Variants in FBP2 observed in about 807,000 individuals in gnomAD.
FBP2 encodes the protein fructose-1,6-bisphosphatase isozyme 2.
FBP2 carries 27 observed loss-of-function variants against 31.6 expected under a neutral mutation model. The observed-to-expected ratio is 0.85, with a 90% CI of 0.63 to 1.18. FBP2 has a LOEUF of 1.18. Among genes scored for constraint, FBP2 ranks in the 50% most tolerant of loss-of-function variants. The probability of loss-of-function intolerance (pLI) is 0.00; values close to 1 mark genes in which losing one functional copy is unlikely to be tolerated. For missense variants in FBP2, 421 were observed against 436.1 expected (o/e 0.97, Z 0.31); for synonymous variants, 168 against 179.8 (o/e 0.93, Z 0.53).
Position 94,567,278 on chromosome 9 carries a change from ATT to A in FBP2, c.695_696del (p.Lys232IlefsTer3). ...AATTEYVQKK[K>X]FPEDGSAPYG... ...TGGCTTTCTTCACTCACCTCAGGGA[ATT>A]TCTTTTTCTGCACATATTCAGTGGT... On this transcript the variant is annotated frameshift_variant, in exon 5 of 7. Coordinates refer to ENST00000375337, the MANE Select transcript of FBP2 (RefSeq NM_003837.4). LOFTEE classifies it high-confidence loss of function. The A allele has an allele frequency of 3.7e-6, 6 of 1,614,138 alleles. No homozygotes were observed. Among genetic ancestry groups the A allele is most frequent in the Non-Finnish European group, 5.1e-6 (6 of 1,180,016 alleles).
intron 4 of FBP2, chr9:94,570,545 A>T (rs543149473): frequency 6.6e-6 from 1 of 152,356 alleles, no homozygotes; most frequent in Non-Finnish European, 1.5e-5. Flanking sequence ...CTTAGCTGTT[A>T]TTCTACAACA....
intron 3 of FBP2, among the ~76,000 whole-genome samples, chr9:94,578,340 T>C (rs1294538799): frequency 6.6e-6 from 1 of 152,226 alleles, no homozygotes; most frequent in African/African-American, 2.4e-5. Flanking sequence ...ACTTTTAAAA[T>C]GGTTAACAGG....
intron 3 of FBP2, among the ~76,000 whole-genome samples, chr9:94,580,908 T>C (rs1297107725): frequency 1.3e-5 from 2 of 152,192 alleles, no homozygotes; most frequent in African/African-American, 2.4e-5. Context: ...AAACTCAAGC[T>C]AACCAAAGCC....
intron 5 of FBP2, among the ~76,000 whole-genome samples, chr9:94,564,559 A>C (rs1827158068): frequency 6.6e-6 from 1 of 152,198 alleles, no homozygotes; most frequent in Non-Finnish European, 1.5e-5. Context: ...CTAACACGGA[A>C]ATAGGAAACC....
chr9:94,564,909 A>G (rs1433419582), intron 5 of FBP2, among the ~76,000 whole-genome samples: 1 of 152,230 alleles, frequency 6.6e-6, no homozygotes, highest in Non-Finnish European at 1.5e-5. Context: ...AATATATGAC[A>G]TATTTTCAAA....
intron 4 of FBP2, chr9:94,570,121 C>T (rs1827251484): frequency 6.6e-6 from 1 of 152,220 alleles, no homozygotes; most frequent in Admixed American, 6.5e-5. Context: ...TGGTGCCCAC[C>T]TATGTCCAGA....
At chr9:94,563,540 T>C in intron 5 of FBP2, 79 bp from the exon 6 acceptor site, 3 of 1,524,920 alleles carry the variant, frequency 2.0e-6, no homozygotes, top group Non-Finnish European at 2.7e-6. Context: ...ACAAGTCCAG[T>C]TGGTGTGACC....
chr9:94,569,798 GAAC>G (rs1345845216), intron 4 of FBP2: 1 of 152,180 alleles, frequency 6.6e-6, no homozygotes, highest in Non-Finnish European at 1.5e-5. Context: ...CTCTGTGCCT[GAAC>G]AATATGTGTG....
chr9:94,590,519 G>A (rs1827483812), intron 1 of FBP2, among the ~76,000 whole-genome samples: 1 of 152,300 alleles, frequency 6.6e-6, no homozygotes, highest in African/African-American at 2.4e-5. Context: ...TGAAGCCGCG[G>A]ACCCTCGCGG....
chr9:94,573,312 G>T (rs1827287400), intron 3 of FBP2, among the ~76,000 whole-genome samples: 1 of 152,088 alleles, frequency 6.6e-6, no homozygotes, highest in Admixed American at 6.5e-5. Context: ...AGGGTGGAGT[G>T]CAGTGGCTTG....
intron 3 of FBP2, among the ~76,000 whole-genome samples, 185 bp downstream of exon 3, chr9:94,584,392 G>A (rs1388652512): frequency 6.6e-6 from 1 of 152,212 alleles, no homozygotes; most frequent in African/African-American, 2.4e-5. Flanking sequence ...GGCAGAGAAA[G>A]AATCGCCAAT....
Position 94,559,077 on chromosome 9 carries a change from C to T in FBP2, c.881G>A (p.Gly294Asp). 1.2e-6 allele frequency: 2 copies of T among 1,614,128 alleles called. No individual in the cohort carries two copies. Among genetic ancestry groups the T allele is most frequent in the East Asian group, 2.2e-5 (1 of 44,860 alleles). Residue 294 changes from glycine to aspartate, a missense_variant, in exon 7 of 7, where the codon GGC (glycine) becomes GAC (aspartate). Physicochemically the swap from Gly to Asp is moderately conservative, Grantham distance 94 (BLOSUM62 -1). Coordinates refer to ENST00000375337, the MANE Select transcript of FBP2 (RefSeq NM_003837.4). Reference protein sequence around the residue: ...PVAYIIEQAGGLATTGTQPVL... With the variant: ...PVAYIIEQAGDLATTGTQPVL... ...AGGCTGGGTCCCCGTGGTCGCCAAG[C>T]CTCCTGCCTGCTCAATGATGTAGGC...
intron 3 of FBP2, among the ~76,000 whole-genome samples, chr9:94,576,960 C>T (rs1827322053): frequency 6.6e-6 from 1 of 152,146 alleles, no homozygotes; most frequent in African/African-American, 2.4e-5. Flanking sequence ...CTCCCTCCCC[C>T]CACTTCTTCC....
intron 4 of FBP2, among the ~76,000 whole-genome samples, chr9:94,571,146 T>C (rs1827264418): frequency 2.0e-5 from 3 of 152,178 alleles, no homozygotes; most frequent in South Asian, 2.1e-4. Context: ...ATTTGCAGCA[T>C]TGTGATTCTT....
chr9:94,568,101 C>G (rs1016363940), intron 4 of FBP2: 1 of 142,302 alleles, frequency 7.0e-6, no homozygotes, highest in African/African-American at 2.6e-5. Context: ...GCACTCCAGC[C>G]TGGATGACAG....
chr9:94,579,050 C>CAAAAAAAAAAAAAAAAAA (rs55778806), intron 3 of FBP2, among the ~76,000 whole-genome samples: 424 of 30,554 alleles, frequency 0.014, 72 homozygotes, highest in East Asian at 0.034. Context: ...GAGACTCTGT[C>CAAAAAAAAAAAAAAAAAA]AAAAAAAAAA....
At chr9:94,583,571 A>T (rs1827393921) in intron 3 of FBP2, among the ~76,000 whole-genome samples, 1 of 152,178 alleles carries the variant, frequency 6.6e-6, no homozygotes, top group Non-Finnish European at 1.5e-5. Context: ...ATACAATGTA[A>T]CTGGCACTCT....
intron 2 of FBP2, among the ~76,000 whole-genome samples, chr9:94,585,120 T>A (rs1217025982): frequency 1.3e-5 from 2 of 152,174 alleles, no homozygotes; most frequent in Admixed American, 6.5e-5. Flanking sequence ...TCCACTTGAT[T>A]TAGTTTTCCC....
At chr9:94,584,288 T>A (rs1222676968) in intron 3 of FBP2, among the ~76,000 whole-genome samples, 1 of 152,224 alleles carries the variant, frequency 6.6e-6, no homozygotes, top group African/African-American at 2.4e-5. Flanking sequence ...ACCTGGAACC[T>A]AATGCCATGT....
Sources: gnomAD v4.1 joint callset for allele counts (sites outside exome capture counted in the v4.1 genomes callset) on GRCh38, gnomAD v4.1.1 for gene constraint, MANE v1.5 for transcripts, NCBI Gene and HGNC (gene_info 2026-07-23, HGNC 2026-07-21) for gene names.